PCTP: variants seen among roughly 807,000 people sequenced by gnomAD.
The protein encoded by PCTP is START domain-containing protein 2.
In PCTP, 27 loss-of-function variants were observed where a neutral mutation model predicts 31.0. The ratio of observed to expected loss-of-function variants is 0.87; its 90% CI spans 0.64 to 1.20. PCTP has a LOEUF of 1.20. PCTP is among the 50% of genes most tolerant of loss of function. The pLI is 0.00. For missense variants in PCTP, 287 were observed against 268.2 expected, an observed-to-expected ratio of 1.07 and a Z score of -0.49; for synonymous variants, 108 against 101.2, an observed-to-expected ratio of 1.07 and a Z score of -0.40.
At chr17:55,826,214 G>T (rs575997985), downstream of PCTP, among the ~76,000 whole-genome samples, 1 of 152,118 alleles carries the variant, frequency 6.6e-6, no homozygotes, top group East Asian at 1.9e-4. Flanking sequence ...AATGTTCTCT[G>T]CTCATCAAAG....
chr17:55,798,312 C>T (rs892122251), intron 3 of PCTP, among the ~76,000 whole-genome samples: 3 of 151,938 alleles, frequency 2.0e-5, no homozygotes, highest in Non-Finnish European at 4.4e-5. Flanking sequence ...AAGATTGTGG[C>T]TGAACAGCTT....
chr17:55,762,934 T>A (rs1910417608), intron 1 of PCTP, among the ~76,000 whole-genome samples: 1 of 152,234 alleles, frequency 6.6e-6, no homozygotes, highest in Non-Finnish European at 1.5e-5. Context: ...ACTGGCTAAT[T>A]CTCTACTTCC....
At chr17:55,766,157 C>G (rs1028049224) in intron 1 of PCTP, among the ~76,000 whole-genome samples, 1 of 152,114 alleles carries the variant, frequency 6.6e-6, no homozygotes, top group Non-Finnish European at 1.5e-5. Flanking sequence ...TTTAAGATCT[C>G]TGAGAGCAGG....
At chr17:55,834,574 C>A (rs1014946177) in intron 5 of PCTP, among the ~76,000 whole-genome samples, 1 of 152,188 alleles carries the variant, frequency 6.6e-6, no homozygotes, top group Non-Finnish European at 1.5e-5. Context: ...TTTTCACCTG[C>A]GGTCCATCGC....
intron 5 of PCTP, among the ~76,000 whole-genome samples, chr17:55,831,697 C>T (rs1411187905): frequency 6.6e-6 from 1 of 152,134 alleles, no homozygotes; most frequent in Admixed American, 6.5e-5. Flanking sequence ...TACCTAAACC[C>T]TGTATTTCCC....
chr17:55,827,564 A>G (rs569809855), downstream of PCTP, among the ~76,000 whole-genome samples: 1 of 152,298 alleles, frequency 6.6e-6, no homozygotes, highest in African/African-American at 2.4e-5. Flanking sequence ...AAAAAGACCT[A>G]CTGCTCATAA....
chr17:55,793,405 TCA>T (rs1912074162), intron 3 of PCTP, among the ~76,000 whole-genome samples: 1 of 152,046 alleles, frequency 6.6e-6, no homozygotes, highest in South Asian at 2.1e-4. Context: ...CTCTGCACTC[TCA>T]CTCACCCCGT....
chr17:55,827,019 A>G (rs1905419776), downstream of PCTP, among the ~76,000 whole-genome samples: 1 of 146,470 alleles, frequency 6.8e-6, no homozygotes, highest in Non-Finnish European at 1.5e-5. Flanking sequence ...TACAAAAGAT[A>G]CCTACTGTGG....
the PCTP span, among the ~76,000 whole-genome samples, chr17:55,849,726 A>G: frequency 6.6e-6 from 1 of 152,220 alleles, no homozygotes; most frequent in Admixed American, 6.5e-5. Context: ...TATAAGACGA[A>G]CACTACCCTA....
intron 3 of PCTP, among the ~76,000 whole-genome samples, chr17:55,813,820 A>G (rs567820046): frequency 1.3e-5 from 2 of 152,118 alleles, no homozygotes; most frequent in Non-Finnish European, 2.9e-5. Context: ...AGGCCAGAGG[A>G]TCTCTTGAGC....
intron 3 of PCTP, chr17:55,822,672 C>A: frequency 1.7e-6 from 1 of 573,500 alleles, no homozygotes; most frequent in Non-Finnish European, 2.6e-6. Flanking sequence ...ACTATCCAAA[C>A]CCCTTATTCT....
At chr17:55,752,903 CT>C (rs1555564290) in intron 1 of PCTP, among the ~76,000 whole-genome samples, 2 of 152,108 alleles carry the variant, frequency 1.3e-5, no homozygotes, top group Non-Finnish European at 2.9e-5. Flanking sequence ...CAGAAAAAGT[CT>C]TTCTTTTAAT....
At chr17:55,826,720 A>G (rs1260332486), downstream of PCTP, among the ~76,000 whole-genome samples, 2 of 152,188 alleles carry the variant, frequency 1.3e-5, no homozygotes, top group African/African-American at 2.4e-5. Context: ...GTTCCGGCCA[A>G]TGGAAACGAT....
At chr17:55,790,489 A>G (rs1159931778) in intron 3 of PCTP, among the ~76,000 whole-genome samples, 1 of 147,142 alleles carries the variant, frequency 6.8e-6, no homozygotes, top group Non-Finnish European at 1.5e-5. Flanking sequence ...CAAAAATCAC[A>G]AGCATTCTTA....
At chr17:55,790,485 T>G (rs1437343858) in intron 3 of PCTP, among the ~76,000 whole-genome samples, 1 of 146,864 alleles carries the variant, frequency 6.8e-6, no homozygotes, top group African/African-American at 2.5e-5. Context: ...TGTACAAAAA[T>G]CACAAGCATT....
rs1243472988 is a variant in PCTP, at chr17:55,751,102, G to T, written c.-2G>T. 2 of 1,536,358 alleles carry T rather than the reference G, an allele frequency of 1.3e-6. No individual in the cohort carries two copies. The highest frequency in any genetic ancestry group is 2.5e-5 in the East Asian group (1 of 40,594). ...AGGCGGAGGAGCCCGGACTGCGGAA[G>T]GATGGAGCTGGCCGCCGGAAGCTTC... On this transcript the variant is annotated 5_prime_UTR_variant, in exon 1 of 6. It adds an upstream start codon to the 5' untranslated region. Transcript: ENST00000268896.
At chr17:55,847,887 T>C in the PCTP span, among the ~76,000 whole-genome samples, 1 of 152,160 alleles carries the variant, frequency 6.6e-6, no homozygotes, top group South Asian at 2.1e-4. Context: ...CATCTCCAAA[T>C]AGCCATATCC....
intron 5 of PCTP, among the ~76,000 whole-genome samples, chr17:55,840,812 T>C (rs1218342619): frequency 6.6e-6 from 1 of 152,226 alleles, no homozygotes; most frequent in African/African-American, 2.4e-5. Context: ...TGCTCTAAAA[T>C]TTGAAACTGT....
At position 55,774,838 on chromosome 17, in the gene PCTP, G is replaced by A. The variant is rs765776749; in HGVS notation, c.558G>A (p.Trp186Ter). ...FDNPGGQIPS[W>*]LINWAAKNGV... ...ACCCGGGTGGCCAAATTCCGTCCTGGCTCATTAACTGGGCCGCCAAGGTGA... is the reference window on the plus strand; with the variant it reads ...ACCCGGGTGGCCAAATTCCGTCCTGACTCATTAACTGGGCCGCCAAGGTGA... Residue 186 changes from tryptophan to a stop codon, truncating the protein, a stop_gained, in exon 5 of 6, where the codon TGG becomes TGA. Coordinates refer to ENST00000268896, the MANE Select transcript of PCTP (RefSeq NM_021213.4). LOFTEE classifies it high-confidence loss of function. 7.0e-7 allele frequency: 1 copy of A among 1,430,922 alleles called. No homozygotes were observed. Among genetic ancestry groups the A allele is most frequent in the South Asian group, 1.1e-5 (1 of 88,710 alleles). 88.6% of individuals were successfully genotyped at this position (1,430,922 alleles called of 1,614,324 possible). A position where few individuals can be genotyped will look rare whatever the true frequency, so the allele number is the denominator to read the frequency against.
Sources: gnomAD v4.1 joint callset for allele counts (sites outside exome capture counted in the v4.1 genomes callset) on GRCh38, gnomAD v4.1.1 for gene constraint, MANE v1.5 for transcripts, NCBI Gene and HGNC (gene_info 2026-07-23, HGNC 2026-07-21) for gene names.